Variants in C1orf167 observed in about 807,000 individuals in gnomAD.
C1orf167 encodes the protein uncharacterized protein C1orf167.
A neutral mutation model predicts 176.5 loss-of-function variants in C1orf167; 153 were observed. That is an observed-to-expected ratio of 0.87 (90% CI 0.76 to 0.99). The LOEUF (loss-of-function observed/expected upper bound fraction) is 0.99, where lower values mean the gene tolerates loss of function less well. Ranked by LOEUF, C1orf167 falls within the 50% of genes least tolerant of loss-of-function variation. The pLI is 0.00. For missense variants in C1orf167, 1,490 were observed against 1,817.7 expected (o/e 0.82, Z 3.28); for synonymous variants, 594 against 752.7 (o/e 0.79, Z 3.45).
At chr1:11,782,050 A>T in intron 13 of C1orf167, 139 bp from the exon 14 acceptor site, 1 of 677,866 alleles carries the variant, frequency 1.5e-6, no homozygotes, top group Non-Finnish European at 2.0e-6. Flanking sequence ...CACCCATAAT[A>T]GAGGCTTTTT....
At position 11,766,082 on chromosome 1, in the gene C1orf167, G is replaced by A. The variant is rs1557719525; in HGVS notation, c.296G>A (p.Trp99Ter). The A allele has an allele frequency of 7.8e-6, 10 of 1,289,880 alleles. No homozygotes were observed. The highest frequency in any genetic ancestry group is 1.0e-5 in the Non-Finnish European group (10 of 988,882). The allele number at this position is 1,289,880 out of a possible 1,614,324, so 79.9% of individuals were successfully genotyped here. Residue 99 changes from tryptophan to a stop codon, truncating the protein, a stop_gained, in exon 3 of 21, where the codon TGG (tryptophan) becomes TAG (stop). Coordinates refer to ENST00000688073, the MANE Select transcript of C1orf167 (RefSeq NM_001010881.2). LOFTEE classifies it high-confidence loss of function. The surrounding 1 kb of genome is among the most constrained non-coding windows in gnomAD (Gnocchi z 4.5). The part of the protein sequence containing the change: ...TTGQLVNSSF[W>*]QQSNLQSLAR... ...GGCCAACTGGTCAATTCAAGCTTCTGGCAACAGAGCAACCTGCAGTCCCTG... is the reference window on the plus strand; with the variant it reads ...GGCCAACTGGTCAATTCAAGCTTCTAGCAACAGAGCAACCTGCAGTCCCTG...
intron 13 of C1orf167, among the ~76,000 whole-genome samples, chr1:11,781,467 G>A (rs61776070): frequency 6.6e-6 from 1 of 152,128 alleles, no homozygotes; most frequent in Non-Finnish European, 1.5e-5. Flanking sequence ...CCGACATATC[G>A]CATTAATGAG....
Position 11,772,259 on chromosome 1 carries a change from G to C in C1orf167, c.1988G>C (p.Arg663Thr), listed in dbSNP as rs771625116. 4 of 1,300,112 alleles carry C rather than the reference G, an allele frequency of 3.1e-6. No individual in the cohort carries two copies. The highest frequency in any genetic ancestry group is 4.7e-5 in the Admixed American group (2 of 42,512). 80.5% of individuals were successfully genotyped at this position (1,300,112 alleles called of 1,614,324 possible). Residue 663 changes from arginine to threonine, a missense_variant and splice_region_variant, in exon 8 of 21, where the codon AGG becomes ACG. Physicochemically the swap from Arg to Thr is moderately conservative, Grantham distance 71. Coordinates refer to ENST00000688073, the MANE Select transcript of C1orf167 (RefSeq NM_001010881.2). Reference sequence around the variant, plus strand: ...CAGCACCAGAGAGCTTGGCTGTGCAGGTAGGATGCCCTTCCCTTTTTTTTG... The same window carrying C: ...CAGCACCAGAGAGCTTGGCTGTGCACGTAGGATGCCCTTCCCTTTTTTTTG... ...SPQHQRAWLC[R>T]CFGAWQQFVQ...
chr1:11,782,565 C>A (rs1211629860), intron 14 of C1orf167, among the ~76,000 whole-genome samples: 1 of 152,190 alleles, frequency 6.6e-6, no homozygotes, highest in East Asian at 1.9e-4. Context: ...GTGGCCCCAA[C>A]AAGCCCCGGG....
chr1:11,773,763 C>T (rs946395076), intron 8 of C1orf167, among the ~76,000 whole-genome samples: 3 of 152,086 alleles, frequency 2.0e-5, no homozygotes, highest in African/African-American at 7.2e-5. Flanking sequence ...ACTCTCACAA[C>T]TAAAAAATAA....
intron 12 of C1orf167, 171 bp from the exon 13 acceptor site, chr1:11,779,631 G>A (rs1170757271): frequency 5.1e-6 from 2 of 390,422 alleles, no homozygotes; most frequent in South Asian, 2.2e-5. Context: ...GACCCTGGGA[G>A]AGGTGCTTGG....
At position 11,785,261 on chromosome 1, in the gene C1orf167, T is replaced by G. The variant is rs569819222; in HGVS notation, c.3539T>G (p.Val1180Gly). ...TTCCTGCGGACAGTGCAGCTCAGGG[T>G]GCGGCTGGGACTGCCAGGGGCCGGC... is the stretch of plus-strand genomic sequence containing the variant. ...RRFLRTVQLR[V>G]RLGLPGAGKT... The change falls in exon 16 of 21, where the codon GTG becomes GGG. Residue 1180 changes from valine to glycine, a missense_variant. Physicochemically the swap from Val to Gly is moderately radical, Grantham distance 109 (BLOSUM62 -3). Transcript: ENST00000688073. 7.8e-7 allele frequency: 1 copy of G among 1,288,696 alleles called. No homozygotes were observed. The highest frequency in any genetic ancestry group is 1.0e-6 in the Non-Finnish European group (1 of 986,926). The allele number at this position is 1,288,696 out of a possible 1,614,324, so 79.8% of individuals were successfully genotyped here. A position where few individuals can be genotyped will look rare whatever the true frequency, so the allele number is the denominator to read the frequency against.
At chr1:11,780,410 CA>C (rs1005135666) in intron 13 of C1orf167, among the ~76,000 whole-genome samples, 30 of 152,078 alleles carry the variant, frequency 2.0e-4, no homozygotes, top group African/African-American at 6.0e-4. Flanking sequence ...CACCACCCCC[CA>C]TACCCTCCCA....
At position 11,766,958 on chromosome 1, in the gene C1orf167, A is replaced by C. The variant is rs995261806; in HGVS notation, c.1172A>C (p.Asn391Thr). ...GACCCCTGTTCCTCAGCCTTCTCCA[A>C]CACAGCCTGGGGAGTCTCACCCAAG... is the stretch of plus-strand genomic sequence containing the variant. Reference protein sequence around the residue: ...GTDPCSSAFSNTAWGVSPKQK... With the variant: ...GTDPCSSAFSTTAWGVSPKQK... The change falls in exon 3 of 21, where the codon AAC (asparagine) becomes ACC (threonine). Residue 391 changes from asparagine to threonine, a missense_variant. Transcript: ENST00000688073. This position sits in a 1 kb window ranked among gnomAD's most constrained non-coding sequence, Gnocchi z 4.5. The C allele has an allele frequency of 6.6e-6, 8 of 1,207,582 alleles. No homozygotes were observed. In the Admixed American group the frequency reaches 1.2e-4, roughly 19 times the overall value. 74.8% of individuals were successfully genotyped at this position (1,207,582 alleles called of 1,614,324 possible).
In C1orf167 at chr1:11,766,090, A is replaced by G. The variant is rs1036590675; in HGVS notation, c.304A>G (p.Ser102Gly). 1 of 1,289,768 alleles carries G rather than the reference A, an allele frequency of 7.8e-7. No homozygotes were observed. Among genetic ancestry groups the G allele is most frequent in the African/African-American group, 1.5e-5 (1 of 65,878 alleles). 79.9% of individuals were successfully genotyped at this position (1,289,768 alleles called of 1,614,324 possible). A position where few individuals can be genotyped will look rare whatever the true frequency, so the allele number is the denominator to read the frequency against. Residue 102 changes from serine (S) to glycine (G), a missense_variant, in exon 3 of 21, where the codon AGC becomes GGC. Transcript: ENST00000688073. This position sits in a 1 kb window ranked among gnomAD's most constrained non-coding sequence, Gnocchi z 4.5. ...QLVNSSFWQQ[S>G]NLQSLARRRQ... ...GGTCAATTCAAGCTTCTGGCAACAG[A>G]GCAACCTGCAGTCCCTGGCCAGGAG... is the stretch of plus-strand genomic sequence containing the variant.
chr1:11,788,824 G>A (rs1013220827), intron 20 of C1orf167, 78 bp downstream of exon 20: 25 of 1,203,876 alleles, frequency 2.1e-5, no homozygotes, highest in Non-Finnish European at 2.7e-5. Context: ...CCACAGCCAC[G>A]CACCGTGGAG....
In C1orf167 at chr1:11,765,434, C is replaced by T. The variant is rs937007535; in HGVS notation, c.71-423C>T. ...TGCTTTCACCCCAGCCCACTGCCCC[C>T]ACCACCTCTTTGCTCAAGCCAGAAA... On this transcript the variant is annotated intron_variant, in intron 2 of 20. Coordinates refer to ENST00000688073, the MANE Select transcript of C1orf167 (RefSeq NM_001010881.2). Among the ~76,000 whole-genome samples the T allele has an allele frequency of 2.0e-5, 3 of 152,126 alleles. No individual in the cohort carries two copies. In the East Asian group the frequency reaches 5.8e-4, roughly 29 times the overall value.
chr1:11,768,062 C>G lies in C1orf167; in HGVS notation c.1344-15C>G. The G allele has an allele frequency of 1.6e-6, 2 of 1,277,094 alleles. No homozygotes were observed. Among genetic ancestry groups the G allele is most frequent in the Non-Finnish European group, 2.0e-6 (2 of 981,996 alleles). The allele number at this position is 1,277,094 out of a possible 1,614,324, so 79.1% of individuals were successfully genotyped here. A position where few individuals can be genotyped will look rare whatever the true frequency, so the allele number is the denominator to read the frequency against. On this transcript the variant is annotated splice_polypyrimidine_tract_variant and intron_variant, in intron 4 of 20. Transcript: ENST00000688073. This position sits in a 1 kb window ranked among gnomAD's most constrained non-coding sequence, Gnocchi z 4.5. ...AGGGCAGTCCACACCCTGATCAGCCCTGGTCTGTCCCCAGCTGGCAGCTGT... is the reference window on the plus strand; with the variant it reads ...AGGGCAGTCCACACCCTGATCAGCCGTGGTCTGTCCCCAGCTGGCAGCTGT...
intron 8 of C1orf167, among the ~76,000 whole-genome samples, chr1:11,774,773 C>T (rs1221842156): frequency 1.3e-5 from 2 of 152,056 alleles, no homozygotes; most frequent in African/African-American, 2.4e-5. Context: ...AGGAGGCTAC[C>T]GCTGGAGGAT....
Position 11,762,278 on chromosome 1 carries a change from A to G in C1orf167, c.-98A>G, listed in dbSNP as rs1460498656. On this transcript the variant is annotated 5_prime_UTR_variant, in exon 1 of 21. Coordinates refer to ENST00000688073, the MANE Select transcript of C1orf167 (RefSeq NM_001010881.2). Reference sequence around the variant, plus strand: ...GTCTAGATTCAAATCCGACTGGGTGAAGGAGGACCCGAGGAGGACCCACGC... The same window carrying G: ...GTCTAGATTCAAATCCGACTGGGTGGAGGAGGACCCGAGGAGGACCCACGC... The G allele has an allele frequency of 4.9e-6, 2 of 412,344 alleles. No homozygotes were observed. Among genetic ancestry groups the G allele is most frequent in the Non-Finnish European group, 4.9e-6 (1 of 202,694 alleles). 25.5% of individuals were successfully genotyped at this position (412,344 alleles called of 1,614,324 possible).
chr1:11,778,906 C>G lies in C1orf167; in HGVS notation c.2497-20C>G. The G allele has an allele frequency of 9.2e-6, 12 of 1,300,658 alleles. No homozygotes were observed. The highest frequency in any genetic ancestry group is 1.2e-5 in the Non-Finnish European group (12 of 986,754). 80.6% of individuals were successfully genotyped at this position (1,300,658 alleles called of 1,614,324 possible). A position where few individuals can be genotyped will look rare whatever the true frequency, so the allele number is the denominator to read the frequency against. ...AGGGGACAGGGTAGGGGACCAAGGA[C>G]TCCACATCTCCTTCCCCAGGTTCCC... On this transcript the variant is annotated intron_variant, in intron 11 of 20. Coordinates refer to ENST00000688073, the MANE Select transcript of C1orf167 (RefSeq NM_001010881.2).
rs58020814 is a variant in C1orf167, at chr1:11,771,031, A to ATGTGTGTGTGTGTG, written c.1698-487_1698-474dup. Among the ~76,000 whole-genome samples, 167 of 35,008 alleles carry ATGTGTGTGTGTGTG rather than the reference A, an allele frequency of 4.8e-3. 5 individuals are homozygous for ATGTGTGTGTGTGTG. Among genetic ancestry groups the ATGTGTGTGTGTGTG allele is most frequent in the Middle Eastern group, 0.025 (1 of 40 alleles). The allele number at this position is 35,008 out of a possible 152,430, so 23.0% of individuals were successfully genotyped here. ...ATCACCTCTGGCAGCGTGTGTGTGTATGTGTGTGTGTGTGTGTGTATATAT... is the reference window on the plus strand; with the variant it reads ...ATCACCTCTGGCAGCGTGTGTGTGTATGTGTGTGTGTGTGTGTGTGTGTGTGTGTGTGTATATAT... On this transcript the variant is annotated intron_variant, in intron 6 of 20. Coordinates refer to ENST00000688073, the MANE Select transcript of C1orf167 (RefSeq NM_001010881.2).
intron 12 of C1orf167, chr1:11,779,522 G>C: frequency 8.0e-6 from 2 of 249,204 alleles, no homozygotes; most frequent in South Asian, 9.8e-5. Context: ...GGCACGTTGT[G>C]AGTGCTCAGT....
In C1orf167 at chr1:11,782,142, G is replaced by T. The variant is rs1373461516; in HGVS notation, c.2861-47G>T. On this transcript the variant is annotated intron_variant, in intron 13 of 20. Coordinates refer to ENST00000688073, the MANE Select transcript of C1orf167 (RefSeq NM_001010881.2). ...GGCTGCGTAGAGGCCCATGGGGAGA[G>T]GCTGGGGTGAGCACCCAGTGGCTCT... 4.1e-6 allele frequency: 5 copies of T among 1,227,260 alleles called. No homozygotes were observed. The African/African-American group carries it at 7.8e-5, about 19-fold the overall frequency. The allele number at this position is 1,227,260 out of a possible 1,614,324, so 76.0% of individuals were successfully genotyped here. A position where few individuals can be genotyped will look rare whatever the true frequency, so the allele number is the denominator to read the frequency against.
Sources: allele counts gnomAD v4.1 joint callset (sites outside exome capture counted in the v4.1 genomes callset), GRCh38; gene constraint gnomAD v4.1.1; non-coding constraint Gnocchi (gnomAD v3.1); transcripts MANE v1.5; gene names NCBI Gene and HGNC (gene_info 2026-07-23, HGNC 2026-07-21).